The following AUH variants were observed in gnomAD, a reference collection of about 807,000 sequenced individuals.
The protein encoded by AUH is methylglutaconyl-CoA hydratase, mitochondrial.
AUH carries 29 observed loss-of-function variants against 42.3 expected under a neutral mutation model. The observed-to-expected ratio is 0.69, with a 90% CI of 0.51 to 0.93. The LOEUF is 0.93. AUH is among the 40% of genes least tolerant of loss of function. The probability of loss-of-function intolerance (pLI) is 0.00; values close to 1 mark genes in which losing one functional copy is unlikely to be tolerated. For missense variants in AUH, 452 were observed against 438.1 expected, an observed-to-expected ratio of 1.03 and a Z score of -0.28; for synonymous variants, 174 against 166.4, an observed-to-expected ratio of 1.05 and a Z score of -0.35.
intron 6 of AUH, among the ~76,000 whole-genome samples, chr9:91,258,865 T>C (rs1356157970): frequency 2.0e-5 from 3 of 152,234 alleles, no homozygotes; most frequent in Non-Finnish European, 2.9e-5. Flanking sequence ...GATTTATAAA[T>C]GAGATAAATC....
At chr9:91,313,043 T>C (rs990474829) in intron 4 of AUH, among the ~76,000 whole-genome samples, 6 of 151,548 alleles carry the variant, frequency 4.0e-5, no homozygotes, top group Non-Finnish European at 4.4e-5. Flanking sequence ...AAAAACTAAT[T>C]GGTTAACAGG....
intron 6 of AUH, among the ~76,000 whole-genome samples, chr9:91,246,533 G>A (rs79679424): frequency 0.022 from 3,345 of 152,280 alleles, 201 homozygotes; most frequent in East Asian, 0.21. Context: ...TCAAAGAGGC[G>A]ATGGCAAATG....
At chr9:91,290,441 A>G (rs920698939) in intron 6 of AUH, among the ~76,000 whole-genome samples, 14 of 152,168 alleles carry the variant, frequency 9.2e-5, no homozygotes, top group Non-Finnish European at 1.2e-4. Context: ...AGAAAAGAAA[A>G]AGACAACCAT....
intron 1 of AUH, chr9:91,357,410 T>C: frequency 1.3e-6 from 1 of 783,936 alleles, no homozygotes. Flanking sequence ...TGTTCAAGCT[T>C]CAGTTTCCTC....
chr9:91,259,727 C>G (rs1338781113), intron 6 of AUH, among the ~76,000 whole-genome samples: 1 of 152,124 alleles, frequency 6.6e-6, no homozygotes, highest in Non-Finnish European at 1.5e-5. Context: ...TTCCAATTAT[C>G]TGGAGATTTT....
chr9:91,245,342 A>G (rs77800109), intron 6 of AUH, among the ~76,000 whole-genome samples: 4,433 of 152,294 alleles, frequency 0.029, 84 homozygotes, highest in Non-Finnish European at 0.041. Context: ...AAAGGGGTGC[A>G]ATGGCAGCCA....
chr9:91,256,841 G>A (rs897464995), intron 6 of AUH, among the ~76,000 whole-genome samples: 1 of 152,058 alleles, frequency 6.6e-6, no homozygotes, highest in African/African-American at 2.4e-5. Context: ...TACCTGGGCT[G>A]CAGCTACCTT....
intron 3 of AUH, among the ~76,000 whole-genome samples, chr9:91,332,599 T>A (rs2131910318): frequency 6.6e-6 from 1 of 152,292 alleles, no homozygotes; most frequent in South Asian, 2.1e-4. Context: ...TTATTTCTCA[T>A]AAATGGTTGC....
intron 4 of AUH, among the ~76,000 whole-genome samples, chr9:91,301,142 A>G (rs1158123379): frequency 6.6e-6 from 1 of 152,212 alleles, no homozygotes; most frequent in Non-Finnish European, 1.5e-5. Context: ...ATGGAGCTAA[A>G]GAAAAGAAAA....
chr9:91,234,322 C>T (rs1386828205), intron 6 of AUH, among the ~76,000 whole-genome samples: 1 of 152,164 alleles, frequency 6.6e-6, no homozygotes, highest in African/African-American at 2.4e-5. Context: ...AACCTCATGG[C>T]ATGGAGATTT....
At chr9:91,228,121 A>C (rs1827630015) in intron 6 of AUH, among the ~76,000 whole-genome samples, 1 of 152,154 alleles carries the variant, frequency 6.6e-6, no homozygotes, top group Admixed American at 6.5e-5. Context: ...TAGTTTCAGA[A>C]GGAATGGTAC....
intron 4 of AUH, among the ~76,000 whole-genome samples, chr9:91,317,626 TC>T (rs987468969): frequency 8.5e-5 from 13 of 152,340 alleles, no homozygotes; most frequent in African/African-American, 3.1e-4. Context: ...TCTTTTTCGG[TC>T]CTTATTTATT....
chr9:91,352,570 T>C (rs1019687991), intron 3 of AUH, among the ~76,000 whole-genome samples: 6 of 152,180 alleles, frequency 3.9e-5, no homozygotes, highest in African/African-American at 1.4e-4. Flanking sequence ...AAGTACTTAA[T>C]AATGCTAAAT....
chr9:91,354,168 C>CA (rs199699425), intron 3 of AUH, among the ~76,000 whole-genome samples: 11,665 of 137,362 alleles, frequency 0.085, 522 homozygotes, highest in East Asian at 0.18. Context: ...AAGTCCGTCT[C>CA]AAAAAAAAAA....
rs185572390 is a variant in AUH, at chr9:91,321,399, G to A, written c.505+3919C>T. On this transcript the variant is annotated intron_variant, in intron 4 of 9. Coordinates refer to ENST00000375731, the MANE Select transcript of AUH (RefSeq NM_001698.3). Reference sequence around the variant, plus strand: ...TTTGGTTTTTGTTTTGTTTTTTCTTGAACTGTTTTGTTTTGTTTTCTTTGA... The same window carrying A: ...TTTGGTTTTTGTTTTGTTTTTTCTTAAACTGTTTTGTTTTGTTTTCTTTGA... Among the ~76,000 whole-genome samples, 249 of 151,464 alleles carry A rather than the reference G, an allele frequency of 1.6e-3. 1 individual carries two copies. The highest frequency in any genetic ancestry group is 2.3e-3 in the Non-Finnish European group (159 of 67,792).
chr9:91,298,013 A>G lies in AUH; in HGVS notation c.569T>C (p.Leu190Pro). Residue 190 changes from leucine (L) to proline (P), a missense_variant, in exon 5 of 10, where the codon CTG (leucine) becomes CCG (proline). Physicochemically the swap from Leu to Pro is moderately conservative, Grantham distance 98. Coordinates refer to ENST00000375731, the MANE Select transcript of AUH (RefSeq NM_001698.3). The part of the protein sequence containing the change: ...DGLALGGGLE[L>P]ALACDIRVAA... ...TACTCGTATATCACAGGCTAAAGCC[A>G]GTTCAAGACCACCACCTAAAGCGAG... 6.2e-7 allele frequency: 1 copy of G among 1,613,714 alleles called. No homozygotes were observed.
chr9:91,252,139 G>A (rs1184040049), intron 6 of AUH, among the ~76,000 whole-genome samples: 1 of 151,810 alleles, frequency 6.6e-6, no homozygotes, highest in East Asian at 1.9e-4. Context: ...GCTAATTTTC[G>A]TATTTTTTGT....
At chr9:91,328,160 A>G (rs1830087864) in intron 3 of AUH, among the ~76,000 whole-genome samples, 1 of 151,928 alleles carries the variant, frequency 6.6e-6, no homozygotes, top group African/African-American at 2.4e-5. Context: ...ACTGGATTCA[A>G]CCCCTTCTAA....
intron 4 of AUH, among the ~76,000 whole-genome samples, chr9:91,314,946 C>T (rs896488001): frequency 1.6e-4 from 25 of 152,176 alleles, no homozygotes; most frequent in African/African-American, 5.5e-4. Context: ...TTTTTTGAGA[C>T]GGAGTCTCAC....
Sources: allele counts gnomAD v4.1 joint callset (sites outside exome capture counted in the v4.1 genomes callset), GRCh38; gene constraint gnomAD v4.1.1; transcripts MANE v1.5; gene names NCBI Gene and HGNC (gene_info 2026-07-23, HGNC 2026-07-21).